Variants in GABRB2 observed in about 807,000 individuals in gnomAD.
GABRB2 encodes gamma-aminobutyric acid type A receptor subunit beta2.
In GABRB2, 16 loss-of-function variants were observed where a neutral mutation model predicts 54.7. That is an observed-to-expected ratio of 0.29 (90% CI 0.20 to 0.44). GABRB2 has a LOEUF of 0.44. GABRB2 is among the 20% of genes least tolerant of loss of function. The pLI is 1.00. For synonymous variants in GABRB2, 244 were observed against 233.8 expected (o/e 1.04, Z -0.40); for missense variants, 355 against 644.0 (o/e 0.55, Z 4.86).
upstream of GABRB2, chr5:161,546,938 A>G (rs948823116): frequency 1.2e-4 from 43 of 357,396 alleles, no homozygotes; most frequent in Non-Finnish European, 2.0e-4. Flanking sequence ...TTTCGTTAAG[A>G]CAAAATAACT....
chr5:161,497,484 T>G (rs567750110), intron 3 of GABRB2, among the ~76,000 whole-genome samples: 106 of 152,026 alleles, frequency 7.0e-4, no homozygotes, highest in African/African-American at 2.5e-3. Context: ...GACTCAAGTT[T>G]TAAATGCATT....
chr5:161,432,756 AG>A (rs1757204647), intron 4 of GABRB2, among the ~76,000 whole-genome samples: 1 of 152,156 alleles, frequency 6.6e-6, no homozygotes, highest in African/African-American at 2.4e-5. Context: ...CCAGTACCTC[AG>A]AGTCCTCCCC....
At chr5:161,367,677 T>G (rs1198132952) in intron 5 of GABRB2, among the ~76,000 whole-genome samples, 1 of 152,174 alleles carries the variant, frequency 6.6e-6, no homozygotes, top group African/African-American at 2.4e-5. Flanking sequence ...TCAGTTGCAT[T>G]AGGTAAAGCC....
At chr5:161,468,955 C>T (rs1758357342) in intron 3 of GABRB2, among the ~76,000 whole-genome samples, 1 of 151,772 alleles carries the variant, frequency 6.6e-6, no homozygotes, top group Non-Finnish European at 1.5e-5. Flanking sequence ...ATATTTATGA[C>T]ATGAACAGAT....
intron 3 of GABRB2, among the ~76,000 whole-genome samples, chr5:161,531,234 C>T (rs1320510416): frequency 3.9e-5 from 6 of 152,224 alleles, no homozygotes; most frequent in African/African-American, 1.4e-4. Flanking sequence ...TAGTTTATGG[C>T]ATTCTTTAAA....
chr5:161,525,501 T>C (rs1336863373), intron 3 of GABRB2, among the ~76,000 whole-genome samples: 1 of 151,308 alleles, frequency 6.6e-6, no homozygotes, highest in African/African-American at 2.4e-5. Context: ...AATACACAAT[T>C]GTCAAAAGAC....
Position 161,334,991 on chromosome 5 carries a change from T to C in GABRB2, c.680-87A>G, listed in dbSNP as rs1305978340. 6.1e-6 allele frequency: 8 copies of C among 1,316,828 alleles called. No individual in the cohort carries two copies. The East Asian group carries it at 1.6e-4, about 27-fold the overall frequency. The allele number at this position is 1,316,828 out of a possible 1,614,324, so 81.6% of individuals were successfully genotyped here. Reference sequence around the variant, plus strand: ...AAAGGTGCATAAACAGTACCTCTTCTCTCAGTTCAGTTTTAGCTCTTAGTG... The same window carrying C: ...AAAGGTGCATAAACAGTACCTCTTCCCTCAGTTCAGTTTTAGCTCTTAGTG... On this transcript the variant is annotated intron_variant, in intron 6 of 9. Transcript: ENST00000393959.
chr5:161,521,497 TGAA>T (rs1217258090), intron 3 of GABRB2, among the ~76,000 whole-genome samples: 1 of 151,488 alleles, frequency 6.6e-6, no homozygotes, highest in Admixed American at 6.6e-5. Context: ...AAGGAAGTAA[TGAA>T]GAAAGGAAAG....
intron 3 of GABRB2, among the ~76,000 whole-genome samples, chr5:161,513,197 C>T (rs1461548033): frequency 2.0e-5 from 3 of 151,960 alleles, no homozygotes; most frequent in Non-Finnish European, 2.9e-5. Flanking sequence ...TTAAGAACTA[C>T]TTAAGCTACT....
At chr5:161,396,214 C>T (rs1006228151) in intron 5 of GABRB2, among the ~76,000 whole-genome samples, 5 of 152,112 alleles carry the variant, frequency 3.3e-5, no homozygotes, top group African/African-American at 1.2e-4. Flanking sequence ...AGTGGAAAGC[C>T]ACACTGAGCC....
intron 3 of GABRB2, among the ~76,000 whole-genome samples, chr5:161,506,757 G>T (rs1227541843): frequency 6.6e-6 from 1 of 152,064 alleles, no homozygotes; most frequent in Non-Finnish European, 1.5e-5. Flanking sequence ...TAGAGCAATG[G>T]AGCCAACTAG....
rs570585695 is a variant in GABRB2, at chr5:161,439,250, T to A, written c.458+20374A>T. Among the ~76,000 whole-genome samples, 62 of 152,286 alleles carry A rather than the reference T, an allele frequency of 4.1e-4. No homozygotes were observed. In the South Asian group the frequency reaches 5.6e-3, roughly 14 times the overall value. ...GCCAAGAGACAGTGGCGTGACATAT[T>A]TAAAGTGCTGAAAGAAAATAACTTT... is the stretch of plus-strand genomic sequence containing the variant. On this transcript the variant is annotated intron_variant, in intron 4 of 9. Coordinates refer to ENST00000393959, the MANE Select transcript of GABRB2 (RefSeq NM_001371727.1).
rs1197960162 is a variant in GABRB2 at position 161,295,935 on chromosome 5, G to A, written c.1192-1507C>T. On this transcript the variant is annotated intron_variant, in intron 9 of 9. Coordinates refer to ENST00000393959, the MANE Select transcript of GABRB2 (RefSeq NM_001371727.1). ...ATGTTATAAAAGATCTGCCAAGGAA[G>A]GGCCAGGTGGTGGCTTTAATGAGGG... Among the ~76,000 whole-genome samples, 5 of 152,326 alleles carry A rather than the reference G, an allele frequency of 3.3e-5. No individual in the cohort carries two copies. The East Asian group carries it at 9.7e-4, about 29-fold the overall frequency.
intron 3 of GABRB2, among the ~76,000 whole-genome samples, chr5:161,463,583 A>ATG (rs1758191771): frequency 8.0e-6 from 1 of 124,304 alleles, no homozygotes; most frequent in African/African-American, 3.0e-5. Flanking sequence ...ATATATATAT[A>ATG]TATATATATA....
intron 4 of GABRB2, among the ~76,000 whole-genome samples, chr5:161,443,393 C>A (rs1757521671): frequency 6.6e-6 from 1 of 152,150 alleles, no homozygotes; most frequent in African/African-American, 2.4e-5. Flanking sequence ...GAAGTCCGAA[C>A]AGGATACTAA....
intron 3 of GABRB2, among the ~76,000 whole-genome samples, chr5:161,509,203 C>A (rs1444964763): frequency 2.6e-5 from 4 of 151,922 alleles, no homozygotes; most frequent in Non-Finnish European, 5.9e-5. Context: ...TGTACTGATA[C>A]AAAGCATATA....
At chr5:161,502,472 C>T (rs1432808357) in intron 3 of GABRB2, among the ~76,000 whole-genome samples, 2 of 152,062 alleles carry the variant, frequency 1.3e-5, no homozygotes, top group Non-Finnish European at 2.9e-5. Flanking sequence ...CTGGTTCTGA[C>T]TATGAGGAGT....
intron 5 of GABRB2, among the ~76,000 whole-genome samples, chr5:161,381,625 A>T (rs1288080708): frequency 6.6e-6 from 1 of 152,154 alleles, no homozygotes; most frequent in Non-Finnish European, 1.5e-5. Context: ...TACACTTTAC[A>T]AAAGGAAAAA....
chr5:161,476,917 C>T (rs962639981), intron 3 of GABRB2, among the ~76,000 whole-genome samples: 2 of 151,730 alleles, frequency 1.3e-5, no homozygotes, highest in South Asian at 4.1e-4. Flanking sequence ...GCTTCAGCAA[C>T]AATAGACAAT....
Sources: gnomAD v4.1 joint callset for allele counts (sites outside exome capture counted in the v4.1 genomes callset) on GRCh38, gnomAD v4.1.1 for gene constraint, MANE v1.5 for transcripts, NCBI Gene and HGNC (gene_info 2026-07-23, HGNC 2026-07-21) for gene names.